The following CHRM3 variants were observed in gnomAD, a reference collection of about 807,000 sequenced individuals.
CHRM3 encodes cholinergic receptor muscarinic 3.
CHRM3 carries 11 observed loss-of-function variants against 41.8 expected under a neutral mutation model. That is an observed-to-expected ratio of 0.26 (90% CI 0.17 to 0.44). The LOEUF (loss-of-function observed/expected upper bound fraction) is 0.44. CHRM3 is among the 20% of genes least tolerant of loss of function. The pLI, the probability that CHRM3 is intolerant of heterozygous loss-of-function variation, is 1.00. For synonymous variants in CHRM3, 297 were observed against 301.4 expected, an observed-to-expected ratio of 0.99 and a Z score of 0.15; for missense variants, 571 against 745.4, an observed-to-expected ratio of 0.77 and a Z score of 2.72.
At chr1:239,480,871 T>G (rs13373941) in intron 1 of CHRM3, among the ~76,000 whole-genome samples, 3,951 of 152,212 alleles carry the variant, frequency 0.026, 185 homozygotes, top group African/African-American at 0.089. Context: ...AGCCTAAATA[T>G]TATAACAAAC....
chr1:239,441,921 G>A (rs1171189257), intron 1 of CHRM3, among the ~76,000 whole-genome samples: 1 of 152,126 alleles, frequency 6.6e-6, no homozygotes, highest in Non-Finnish European at 1.5e-5. Context: ...GCAAATATAT[G>A]TTTAAGAGAC....
chr1:239,778,285 T>C (rs1431958337), intron 5 of CHRM3, among the ~76,000 whole-genome samples: 2 of 151,936 alleles, frequency 1.3e-5, no homozygotes, highest in African/African-American at 4.8e-5. Flanking sequence ...TCTTTTGGAG[T>C]TCTTTCTATT....
chr1:239,497,419 T>C (rs1380143359), intron 2 of CHRM3, among the ~76,000 whole-genome samples: 1 of 152,150 alleles, frequency 6.6e-6, no homozygotes, highest in African/African-American at 2.4e-5. Flanking sequence ...GTTGGTTTCA[T>C]GTCTCTCTTT....
intron 5 of CHRM3, among the ~76,000 whole-genome samples, chr1:239,794,991 A>C (rs535384259): frequency 3.9e-5 from 6 of 152,334 alleles, no homozygotes; most frequent in African/African-American, 1.2e-4. Flanking sequence ...ACACGTGAGA[A>C]TAGATCATTA....
rs550208197 is a variant in CHRM3 at position 239,913,076 on chromosome 1, A to G, written c.*3852A>G. ...GAAAGTAAAATGGTATATTGGGTGAATGTTTGAAAATTTCAGATTTTATAT... is the reference window on the plus strand; with the variant it reads ...GAAAGTAAAATGGTATATTGGGTGAGTGTTTGAAAATTTCAGATTTTATAT... On this transcript the variant is annotated 3_prime_UTR_variant, in exon 7 of 7. Coordinates refer to ENST00000676153, the MANE Select transcript of CHRM3 (RefSeq NM_001375978.1). 1.8e-5 allele frequency: 3 copies of G among 167,158 alleles called. No homozygotes were observed. The highest frequency in any genetic ancestry group is 2.4e-5 in the African/African-American group (1 of 41,582). The allele number at this position is 167,158 out of a possible 1,614,324, so 10.4% of individuals were successfully genotyped here.
chr1:239,746,356 T>C (rs1271965180), intron 5 of CHRM3, among the ~76,000 whole-genome samples: 1 of 152,214 alleles, frequency 6.6e-6, no homozygotes, highest in Non-Finnish European at 1.5e-5. Flanking sequence ...TAAAACTCTG[T>C]GATACAGGTG....
chr1:239,767,546 A>G (rs1473784572), intron 5 of CHRM3, among the ~76,000 whole-genome samples: 2 of 152,206 alleles, frequency 1.3e-5, no homozygotes, highest in African/African-American at 4.8e-5. Flanking sequence ...CTAACTTCCT[A>G]GAATCAATAT....
At chr1:239,560,119 T>G (rs918959530) in intron 3 of CHRM3, among the ~76,000 whole-genome samples, 2 of 152,196 alleles carry the variant, frequency 1.3e-5, no homozygotes, top group Non-Finnish European at 2.9e-5. Context: ...ATTGAGAAAT[T>G]TGTGTTTGAT....
At chr1:239,519,972 C>T (rs1049115778) in intron 2 of CHRM3, among the ~76,000 whole-genome samples, 31 of 152,124 alleles carry the variant, frequency 2.0e-4, no homozygotes, top group East Asian at 1.9e-4. Context: ...TGGTCTCGAT[C>T]TCCTGACCTC....
chr1:239,674,072 GA>G (rs1657694697), intron 4 of CHRM3, among the ~76,000 whole-genome samples: 1 of 152,098 alleles, frequency 6.6e-6, no homozygotes. Flanking sequence ...GAAAAAATCA[GA>G]AACCTGAAAC....
chr1:239,465,000 G>A (rs1040030764), intron 1 of CHRM3, among the ~76,000 whole-genome samples: 1 of 152,102 alleles, frequency 6.6e-6, no homozygotes, highest in African/African-American at 2.4e-5. Flanking sequence ...TCTCCATGGA[G>A]AATTCAAAAT....
At chr1:239,510,126 T>G (rs565751697) in intron 2 of CHRM3, among the ~76,000 whole-genome samples, 4 of 152,238 alleles carry the variant, frequency 2.6e-5, no homozygotes, top group African/African-American at 9.6e-5. Flanking sequence ...TAAAAGCTAT[T>G]TACCTTACCT....
chr1:239,654,152 A>T (rs183626735), intron 4 of CHRM3, among the ~76,000 whole-genome samples: 1 of 151,830 alleles, frequency 6.6e-6, no homozygotes, highest in East Asian at 2.0e-4. Flanking sequence ...TACCTTTTGG[A>T]GAGATGGGGG....
intron 1 of CHRM3, among the ~76,000 whole-genome samples, chr1:239,429,534 C>G (rs1285546120): frequency 6.6e-6 from 1 of 152,018 alleles, no homozygotes; most frequent in African/African-American, 2.4e-5. Context: ...TGCTATAAAA[C>G]CGGGATGTAA....
chr1:239,460,535 A>G (rs1401574247), intron 1 of CHRM3, among the ~76,000 whole-genome samples: 1 of 152,130 alleles, frequency 6.6e-6, no homozygotes, highest in Admixed American at 6.6e-5. Context: ...CTCTTTCTAT[A>G]TTATTCATCC....
At position 239,470,308 on chromosome 1, in the gene CHRM3, C is replaced by G. The variant is rs571179490; in HGVS notation, c.-520-22401C>G. On this transcript the variant is annotated intron_variant, in intron 1 of 6. Transcript: ENST00000676153. ...TAGAACCAACTCTCCCTGAGAACTC[C>G]AGAAGAAACCACTACTGCCCACTCT... Among the ~76,000 whole-genome samples, 3 of 152,224 alleles carry G rather than the reference C, an allele frequency of 2.0e-5. No homozygotes were observed. The East Asian group carries it at 5.8e-4, about 30-fold the overall frequency.
At chr1:239,797,931 C>T (rs1326624650) in intron 5 of CHRM3, among the ~76,000 whole-genome samples, 1 of 152,060 alleles carries the variant, frequency 6.6e-6, no homozygotes, top group South Asian at 2.1e-4. Context: ...TGCCTGTAGT[C>T]GCAGCTACTC....
rs1680294617 is a variant in CHRM3, at chr1:239,910,341, GC to G, written c.*1118del. The G allele has an allele frequency of 6.4e-6, 1 of 157,302 alleles. No homozygotes were observed. Among genetic ancestry groups the G allele is most frequent in the Non-Finnish European group, 1.5e-5 (1 of 66,162 alleles). The allele number at this position is 157,302 out of a possible 1,614,324, so 9.7% of individuals were successfully genotyped here. Reference sequence around the variant, plus strand: ...TGTGTATATATATATATATGGCAAAGCAAAAAAAAAAACATGGTAAGAGAGA... The same window carrying G: ...TGTGTATATATATATATATGGCAAAGAAAAAAAAAAACATGGTAAGAGAGA... On this transcript the variant is annotated 3_prime_UTR_variant, in exon 7 of 7. Coordinates refer to ENST00000676153, the MANE Select transcript of CHRM3 (RefSeq NM_001375978.1).
chr1:239,393,635 C>G (rs776117806), intron 1 of CHRM3, among the ~76,000 whole-genome samples: 2 of 152,182 alleles, frequency 1.3e-5, no homozygotes, highest in Admixed American at 6.6e-5. Flanking sequence ...TTGAGCGCAG[C>G]TATCATTCTG....
Sources: allele counts gnomAD v4.1 joint callset (sites outside exome capture counted in the v4.1 genomes callset), GRCh38; gene constraint gnomAD v4.1.1; transcripts MANE v1.5; gene names NCBI Gene and HGNC (gene_info 2026-07-23, HGNC 2026-07-21).